WDR75: variants seen among roughly 807,000 people sequenced by gnomAD.
WDR75 encodes WD repeat domain 75.
WDR75 carries 52 observed loss-of-function variants against 106.1 expected under a neutral mutation model. That is an observed-to-expected ratio of 0.49 (90% confidence interval 0.39 to 0.62). WDR75 has a LOEUF of 0.62. Among genes scored for constraint, WDR75 ranks in the 20% least tolerant of loss-of-function variants. The pLI is 0.00. For missense variants in WDR75, 905 were observed against 970.3 expected (o/e 0.93, Z 0.89); for synonymous variants, 333 against 335.5 (o/e 0.99, Z 0.08).
intron 4 of WDR75, 24 bp from the exon 5 acceptor site, chr2:189,455,296 A>G (rs1686710180): frequency 1.2e-6 from 2 of 1,607,300 alleles, no homozygotes; most frequent in African/African-American, 2.7e-5. Context: ...GAAGCTTTAT[A>G]TTAATATAGC....
intron 18 of WDR75, among the ~76,000 whole-genome samples, chr2:189,473,710 T>A (rs1278129257): frequency 6.6e-6 from 1 of 152,302 alleles, no homozygotes; most frequent in African/African-American, 2.4e-5. Context: ...GTTACTATTA[T>A]TACCAACTCC....
At chr2:189,467,339 C>A in intron 13 of WDR75, 129 bp from the exon 14 acceptor site, 2 of 859,214 alleles carry the variant, frequency 2.3e-6, no homozygotes, top group Non-Finnish European at 3.6e-6. Context: ...TATTTTCAGA[C>A]CTCAGTTGAC....
In WDR75 at chr2:189,461,820, T is replaced by A. The variant is rs142117722; in HGVS notation, c.779-664T>A. Among the ~76,000 whole-genome samples, 9 of 152,332 alleles carry A rather than the reference T, an allele frequency of 5.9e-5. No individual in the cohort carries two copies. In the East Asian group the frequency reaches 1.7e-3, roughly 29 times the overall value. ...ATTCTTAATCACAAAGGGAAAGTTT[T>A]CAATAGTTTAACTTTTAGTGTGGTG... On this transcript the variant is annotated intron_variant, in intron 8 of 20. Coordinates refer to ENST00000314761, the MANE Select transcript of WDR75 (RefSeq NM_032168.3).
Position 189,470,805 on chromosome 2 carries a change from TTC to T in WDR75, c.1990-8_1990-7del, listed in dbSNP as rs769502034. On this transcript the variant is annotated splice_polypyrimidine_tract_variant and intron_variant, in intron 17 of 20. Coordinates refer to ENST00000314761, the MANE Select transcript of WDR75 (RefSeq NM_032168.3). ...TACAGTTTGTCTTTTGCATCATTAA[TTC>T]TCTCTTTTCAGAGTTTATTGACATT... 38 of 1,577,210 alleles carry T rather than the reference TTC, an allele frequency of 2.4e-5. No homozygotes were observed. The Admixed American group carries it at 5.4e-4, about 23-fold the overall frequency.
chr2:189,463,496 A>T (rs1466014918), intron 9 of WDR75, among the ~76,000 whole-genome samples, 198 bp from the exon 10 acceptor site: 3 of 152,138 alleles, frequency 2.0e-5, no homozygotes, highest in East Asian at 3.9e-4. Context: ...CCACATTGGA[A>T]AAAGAATTGT....
chr2:189,454,940 A>G (rs77831435), intron 4 of WDR75, among the ~76,000 whole-genome samples: 9,846 of 152,178 alleles, frequency 0.065, 498 homozygotes, highest in African/African-American at 0.14. Flanking sequence ...TAAATTCTAG[A>G]GTACTGATTA....
intron 18 of WDR75, 34 bp from the exon 19 acceptor site, chr2:189,474,152 T>A (rs751140177): frequency 1.4e-5 from 22 of 1,587,506 alleles, no homozygotes; most frequent in Non-Finnish European, 1.6e-5. Context: ...TCCTTTTTTC[T>A]GAAATAATTT....
intron 6 of WDR75, 38 bp downstream of exon 6, chr2:189,457,419 CAA>C: frequency 1.5e-6 from 2 of 1,323,186 alleles, no homozygotes; most frequent in Non-Finnish European, 2.1e-6. Flanking sequence ...TTTATTTGCT[CAA>C]GAGTTCTTTA....
At chr2:189,475,103 A>C (rs1431380275) in intron 20 of WDR75, 110 bp from the exon 21 acceptor site, 5 of 903,304 alleles carry the variant, frequency 5.5e-6, no homozygotes, top group Non-Finnish European at 8.2e-6. Flanking sequence ...CTTAGTAACA[A>C]AATTCTTCAT....
chr2:189,456,226 C>A (rs1400413673), intron 5 of WDR75, among the ~76,000 whole-genome samples: 1 of 152,086 alleles, frequency 6.6e-6, no homozygotes, highest in East Asian at 1.9e-4. Flanking sequence ...ACTTTAGGTC[C>A]ACTAGAATAG....
intron 15 of WDR75, 48 bp downstream of exon 15, chr2:189,468,617 T>C: frequency 6.3e-7 from 1 of 1,588,376 alleles, no homozygotes. Context: ...GCATAAGGAG[T>C]TGACATTAAA....
chr2:189,463,822 T>C (rs776618721), intron 10 of WDR75, 24 bp from the exon 11 acceptor site: 2 of 1,613,308 alleles, frequency 1.2e-6, no homozygotes, highest in Admixed American at 3.3e-5. Flanking sequence ...TTATTTCACC[T>C]GTTATTTGTC....
intron 17 of WDR75, 119 bp downstream of exon 17, chr2:189,470,364 C>CA (rs1687092068): frequency 9.6e-6 from 11 of 1,144,468 alleles, no homozygotes; most frequent in African/African-American, 3.1e-5. Flanking sequence ...GATTATTTCC[C>CA]AAAAAATTGT....
Position 189,466,715 on chromosome 2 carries a change from A to G in WDR75, c.1447+133A>G, listed in dbSNP as rs1332555447. ...TTCTACAGGATATTGCTTAATCTTAATAGATTTAAGAGATTACATTTTACA... is the reference window on the plus strand; with the variant it reads ...TTCTACAGGATATTGCTTAATCTTAGTAGATTTAAGAGATTACATTTTACA... On this transcript the variant is annotated intron_variant, in intron 13 of 20. Transcript: ENST00000314761. The G allele has an allele frequency of 6.5e-6, 6 of 917,988 alleles. No individual in the cohort carries two copies. In the East Asian group the frequency reaches 1.4e-4, roughly 22 times the overall value. 56.9% of individuals were successfully genotyped at this position (917,988 alleles called of 1,614,324 possible).
In WDR75 at chr2:189,467,580, A is replaced by G; in HGVS notation, c.1560A>G (p.Ile520Met). 14 of 1,611,740 alleles carry G rather than the reference A, an allele frequency of 8.7e-6. No homozygotes were observed. Among genetic ancestry groups the G allele is most frequent in the Non-Finnish European group, 1.2e-5 (14 of 1,178,756 alleles). ...GSLLAVSFEEIVTIWDSVTWE... is the reference protein window; with the variant it reads ...GSLLAVSFEEMVTIWDSVTWE... The stretch of plus-strand genomic sequence containing the variant: ...TACTAGCAGTTAGTTTTGAGGAAAT[A>G]GTCACAATATGGGATTCTGTAACAT... Residue 520 changes from isoleucine (I) to methionine (M), a missense_variant, in exon 14 of 21, where the codon ATA becomes ATG. Ile to Met is a conservative substitution (Grantham distance 10). Coordinates refer to ENST00000314761, the MANE Select transcript of WDR75 (RefSeq NM_032168.3).
intron 8 of WDR75, 78 bp from the exon 9 acceptor site, chr2:189,462,406 C>A: frequency 6.6e-7 from 1 of 1,523,608 alleles, no homozygotes; most frequent in Non-Finnish European, 8.9e-7. Context: ...GTAGCAAAAA[C>A]AAAAGTGTTA....
intron 4 of WDR75, 106 bp from the exon 5 acceptor site, chr2:189,455,214 C>A (rs1312026512): frequency 1.5e-6 from 2 of 1,364,380 alleles, no homozygotes; most frequent in Non-Finnish European, 1.9e-6. Context: ...GCACTCCAGC[C>A]TGGGCGACAG....
chr2:189,462,452 C>A (rs766198342), intron 8 of WDR75, 32 bp from the exon 9 acceptor site: 1 of 1,595,070 alleles, frequency 6.3e-7, no homozygotes, highest in Non-Finnish European at 8.6e-7. Context: ...CTCAAAACAC[C>A]ATCCTTTTAA....
chr2:189,456,745 A>T (rs1196951915), intron 5 of WDR75, among the ~76,000 whole-genome samples: 1 of 152,192 alleles, frequency 6.6e-6, no homozygotes, highest in African/African-American at 2.4e-5. Flanking sequence ...AGTGTATATA[A>T]GTTATTCCTA....
Sources: gnomAD v4.1 joint callset for allele counts (sites outside exome capture counted in the v4.1 genomes callset) on GRCh38, gnomAD v4.1.1 for gene constraint, MANE v1.5 for transcripts, NCBI Gene and HGNC (gene_info 2026-07-23, HGNC 2026-07-21) for gene names.